MYLK2: variants seen among roughly 807,000 people sequenced by gnomAD.
MYLK2 encodes the protein myosin light chain kinase 2, skeletal/cardiac muscle.
In MYLK2, 27 loss-of-function variants were observed where a neutral mutation model predicts 58.2. The ratio of observed to expected loss-of-function variants is 0.46; its 90% CI spans 0.34 to 0.64. MYLK2 has a LOEUF of 0.64. MYLK2 is among the 30% of genes least tolerant of loss of function. The probability of loss-of-function intolerance (pLI) is 0.01; values close to 1 mark genes in which losing one functional copy is unlikely to be tolerated. For synonymous variants in MYLK2, 310 were observed against 296.7 expected (o/e 1.04, Z -0.46); for missense variants, 676 against 764.3 (o/e 0.88, Z 1.36).
chr20:31,820,047 A>G (rs2062243469), intron 2 of MYLK2, 79 bp from the exon 3 acceptor site: 2 of 1,580,532 alleles, frequency 1.3e-6, no homozygotes, highest in East Asian at 2.2e-5. Flanking sequence ...ACCTGGGCCC[A>G]GAGCTGGTCT....
Position 31,831,993 on chromosome 20 carries a change from C to T in MYLK2, c.1578-11C>T, listed in dbSNP as rs370838605. 6.2e-7 allele frequency: 1 copy of T among 1,611,508 alleles called. No individual in the cohort carries two copies. Among genetic ancestry groups the T allele is most frequent in the Non-Finnish European group, 8.5e-7 (1 of 1,178,876 alleles). ...ATGCAGCCCACCGTCACCATGCTGC[C>T]TCTCCCCCAGGGCCCGGATGAACGC... is the stretch of plus-strand genomic sequence containing the variant. On this transcript the variant is annotated splice_polypyrimidine_tract_variant and intron_variant, in intron 11 of 12. Coordinates refer to ENST00000375985, the MANE Select transcript of MYLK2 (RefSeq NM_033118.4).
intron 3 of MYLK2, 25 bp from the exon 4 acceptor site, chr20:31,821,414 T>A (rs779761910): frequency 6.2e-7 from 1 of 1,612,150 alleles, no homozygotes; most frequent in Non-Finnish European, 8.5e-7. Context: ...GCTGAGGGCT[T>A]CACCTCTGTG....
At chr20:31,825,534 AAAGAAAAGAG>A (rs1278619936) in intron 6 of MYLK2, among the ~76,000 whole-genome samples, 2 of 152,338 alleles carry the variant, frequency 1.3e-5, no homozygotes, top group South Asian at 2.1e-4. Flanking sequence ...AGAAAAAAGA[AAAGAAAAGAG>A]AAGAAAAGAA....
chr20:31,822,762 G>A (rs565891180), intron 4 of MYLK2, among the ~76,000 whole-genome samples: 107 of 152,254 alleles, frequency 7.0e-4, no homozygotes, highest in African/African-American at 2.4e-3. Context: ...GCGGCAGCCA[G>A]GAGCCCTGCC....
At chr20:31,822,607 G>A (rs113766980) in intron 4 of MYLK2, among the ~76,000 whole-genome samples, 1 of 152,176 alleles carries the variant, frequency 6.6e-6, no homozygotes, top group Non-Finnish European at 1.5e-5. Context: ...CGGCAGGGCT[G>A]GGGGTGGGGT....
chr20:31,827,882 CTTTTTTTTTTT>C (rs10646259), intron 8 of MYLK2, among the ~76,000 whole-genome samples: 1 of 94,842 alleles, frequency 1.1e-5, no homozygotes, highest in East Asian at 2.7e-4. Context: ...AGCAGATCTG[CTTTTTTTTTTT>C]TTTTTTTTTT....
rs1269686595 is a variant in MYLK2, at chr20:31,820,382, A to G, written c.309A>G (p.Thr103=). 2 of 1,612,616 alleles carry G rather than the reference A, an allele frequency of 1.2e-6. No homozygotes were observed. The highest frequency in any genetic ancestry group is 3.3e-5 in the Admixed American group (2 of 60,018). The change falls in exon 3 of 13, where the codon ACA becomes ACG. Residue 103 remains threonine, a synonymous_variant. Coordinates refer to ENST00000375985, the MANE Select transcript of MYLK2 (RefSeq NM_033118.4). ...PPAALPQQTA[T]PETSVKKPKA... is the part of the protein sequence containing the mutation. ...CAGCCCTGCCCCAGCAGACTGCGAC[A>G]CCTGAGACCAGCGTCAAGAAGCCCA...
rs1301751855 is a variant in MYLK2, at chr20:31,823,497, G to C, written c.793G>C (p.Ala265Pro). ...QILDDCPPPP[A>P]PFPHRMVELR... is the part of the protein sequence containing the mutation. ...CCCAGATGATTGCCCGCCACCTCCG[G>C]CCCCCTTCCCTCACCGCATGGTGGA... The change falls in exon 5 of 13, where the codon GCC becomes CCC. Residue 265 changes from alanine to proline, a missense_variant. Transcript: ENST00000375985. 5 of 1,613,178 alleles carry C rather than the reference G, an allele frequency of 3.1e-6. No individual in the cohort carries two copies. The highest frequency in any genetic ancestry group is 4.2e-6 in the Non-Finnish European group (5 of 1,180,014).
chr20:31,823,165 G>T (rs1403592028), intron 4 of MYLK2, among the ~76,000 whole-genome samples: 1 of 152,236 alleles, frequency 6.6e-6, no homozygotes, highest in Non-Finnish European at 1.5e-5. Context: ...GATTGTTTTT[G>T]GTGGAAATGC....
At chr20:31,825,613 G>A (rs1342410524) in intron 6 of MYLK2, among the ~76,000 whole-genome samples, 1 of 152,196 alleles carries the variant, frequency 6.6e-6, no homozygotes, top group East Asian at 1.9e-4. Context: ...GTAAGGTAGA[G>A]GGGGTACAGG....
At position 31,819,444 on chromosome 20, in the gene MYLK2, CAGTT is replaced by C. The variant is rs1192962874; in HGVS notation, c.-49+19_-49+22del. ...TTTGCTCCAGGTACCTCTCTCCCCT[CAGTT>C]AGCAGGCCTCGGCTTCCTGTCTCAC... On this transcript the variant is annotated intron_variant, in intron 1 of 12. Transcript: ENST00000375985. 7 of 1,188,000 alleles carry C rather than the reference CAGTT, an allele frequency of 5.9e-6. No homozygotes were observed. The highest frequency in any genetic ancestry group is 1.9e-4 in the Middle Eastern group (1 of 5,202). 73.6% of individuals were successfully genotyped at this position (1,188,000 alleles called of 1,614,324 possible). A position where few individuals can be genotyped will look rare whatever the true frequency, so the allele number is the denominator to read the frequency against.
At chr20:31,827,882 C>CTT (rs10646259) in intron 8 of MYLK2, among the ~76,000 whole-genome samples, 24,512 of 94,686 alleles carry the variant, frequency 0.26, 4,495 homozygotes, top group African/African-American at 0.44. Flanking sequence ...AGCAGATCTG[C>CTT]TTTTTTTTTT....
intron 10 of MYLK2, 134 bp downstream of exon 10, chr20:31,831,275 TG>T: frequency 7.3e-7 from 1 of 1,367,916 alleles, no homozygotes; most frequent in Non-Finnish European, 1.0e-6. Context: ...TTGCTGGGGT[TG>T]GGAGTGCTAG....
At chr20:31,825,989 T>C (rs1236758229) in intron 6 of MYLK2, among the ~76,000 whole-genome samples, 1 of 152,126 alleles carries the variant, frequency 6.6e-6, no homozygotes, top group Non-Finnish European at 1.5e-5. Context: ...TAGATGATGC[T>C]GAAGAGTTGG....
Position 31,820,235 on chromosome 20 carries a change from CA to C in MYLK2, c.165del (p.Ala56ProfsTer126). ...PDPPTLKKDA[K>X]APASEKGDGT... ...ATCCACCCACCCTGAAGAAAGATGCCAAAGCCCCTGCCTCAGAGAAAGGGGA... is the reference window on the plus strand; with the variant it reads ...ATCCACCCACCCTGAAGAAAGATGCCAAGCCCCTGCCTCAGAGAAAGGGGA... On this transcript the variant is annotated frameshift_variant, in exon 3 of 13. Coordinates refer to ENST00000375985, the MANE Select transcript of MYLK2 (RefSeq NM_033118.4). LOFTEE classifies it high-confidence loss of function. 3 of 1,614,048 alleles carry C rather than the reference CA, an allele frequency of 1.9e-6. No individual in the cohort carries two copies. Among genetic ancestry groups the C allele is most frequent in the Non-Finnish European group, 2.5e-6 (3 of 1,180,026 alleles).
chr20:31,829,096 G>A (rs1237500475), intron 8 of MYLK2, among the ~76,000 whole-genome samples: 1 of 152,160 alleles, frequency 6.6e-6, no homozygotes, highest in Non-Finnish European at 1.5e-5. Context: ...GGGGGCAGTT[G>A]GTGCCTGCAT....
In MYLK2 at chr20:31,824,215, G is replaced by A. The variant is rs371179577; in HGVS notation, c.879-44G>A. 1.4e-5 allele frequency: 23 copies of A among 1,598,402 alleles called. No individual in the cohort carries two copies. The African/African-American group carries it at 3.1e-4, about 21-fold the overall frequency. On this transcript the variant is annotated intron_variant, in intron 5 of 12. Coordinates refer to ENST00000375985, the MANE Select transcript of MYLK2 (RefSeq NM_033118.4). ...AGAGCAAAGGATGCCACTGACCCCG[G>A]TGGGCTCTGGGGTCCCCTCACTTAC...
rs765961895 is a variant in MYLK2 at position 31,833,840 on chromosome 20, C to T, written c.*43C>T. ...AGCCTGGACGCAGCCACACAGTGGC[C>T]GGGGCTGAAGCCACACAGCCCAGAA... On this transcript the variant is annotated 3_prime_UTR_variant, in exon 13 of 13. Coordinates refer to ENST00000375985, the MANE Select transcript of MYLK2 (RefSeq NM_033118.4). 21 of 1,571,926 alleles carry T rather than the reference C, an allele frequency of 1.3e-5. No homozygotes were observed. Among genetic ancestry groups the T allele is most frequent in the East Asian group, 6.7e-5 (3 of 44,690 alleles).
Position 31,826,617 on chromosome 20 carries a change from C to T in MYLK2, c.985C>T (p.Leu329=), listed in dbSNP as rs2062280796. 1.9e-6 allele frequency: 3 copies of T among 1,613,886 alleles called. No homozygotes were observed. The highest frequency in any genetic ancestry group is 1.3e-5 in the African/African-American group (1 of 74,834). ...CCCTGGTCCCCAGGAAATGGTGTTG[C>T]TGGAGATTGAGGTCATGAACCAGCT... ...QTPKDKEMVL[L]EIEVMNQLNH... The change falls in exon 7 of 13, where the codon CTG becomes TTG. Residue 329 remains leucine (L), a synonymous_variant. Coordinates refer to ENST00000375985, the MANE Select transcript of MYLK2 (RefSeq NM_033118.4).
Sources: allele counts gnomAD v4.1 joint callset (sites outside exome capture counted in the v4.1 genomes callset), GRCh38; gene constraint gnomAD v4.1.1; transcripts MANE v1.5; gene names NCBI Gene and HGNC (gene_info 2026-07-23, HGNC 2026-07-21).